The following RPS6KA2 variants were observed in gnomAD, a reference collection of about 807,000 sequenced individuals.
RPS6KA2 encodes the protein ribosomal protein S6 kinase alpha-2.
In RPS6KA2, 42 loss-of-function variants were observed where a neutral mutation model predicts 91.8. The ratio of observed to expected loss-of-function variants is 0.46; its 90% CI spans 0.36 to 0.59. RPS6KA2 has a LOEUF of 0.59. Ranked by LOEUF, RPS6KA2 falls within the 20% of genes least tolerant of loss-of-function variation. The pLI, the probability that RPS6KA2 is intolerant of heterozygous loss-of-function variation, is 0.00. For missense variants in RPS6KA2, 798 were observed against 978.5 expected (o/e 0.82, Z 2.46); for synonymous variants, 414 against 393.6 (o/e 1.05, Z -0.61).
chr6:166,581,457 A>G (rs1785006464), intron 1 of RPS6KA2, among the ~76,000 whole-genome samples: 1 of 151,990 alleles, frequency 6.6e-6, no homozygotes, highest in African/African-American at 2.4e-5. Flanking sequence ...TCCTTCTCCT[A>G]CGCTCCACTG....
At chr6:166,638,683 C>T (rs998469574) in intron 2 of RPS6KA2, among the ~76,000 whole-genome samples, 5 of 152,186 alleles carry the variant, frequency 3.3e-5, no homozygotes, top group Non-Finnish European at 7.3e-5. Context: ...GTCTCTAGAA[C>T]AGTGGTTCTG....
chr6:166,862,244 AG>A, exon 1 of RPS6KA2: 1 of 1,608,176 alleles, frequency 6.2e-7, no homozygotes, highest in East Asian at 2.2e-5. Flanking sequence ...GGACCGGCAC[AG>A]GGGGACGGCC....
At chr6:166,478,840 C>T (rs1377454636) in intron 10 of RPS6KA2, among the ~76,000 whole-genome samples, 2 of 152,206 alleles carry the variant, frequency 1.3e-5, no homozygotes, top group African/African-American at 2.4e-5. Context: ...TCAGGCACTG[C>T]TCTGCCTCCT....
chr6:166,657,987 G>C (rs1039987305), intron 2 of RPS6KA2, among the ~76,000 whole-genome samples: 2 of 152,200 alleles, frequency 1.3e-5, no homozygotes, highest in Non-Finnish European at 2.9e-5. Context: ...CGGTTCAAGC[G>C]AGTCTCATGG....
Position 166,767,559 on chromosome 6 carries a change from C to T in RPS6KA2, c.123+90641G>A, listed in dbSNP as rs1036676543. Among the ~76,000 whole-genome samples the T allele has an allele frequency of 1.3e-5, 2 of 152,150 alleles. No individual in the cohort carries two copies. Among genetic ancestry groups the T allele is most frequent in the Non-Finnish European group, 2.9e-5 (2 of 68,048 alleles). ...CTTCAGACTGCGCTCCACTTGCCAG[C>T]AAGCCTCAAAGGGACCCAGGAAGGG... On this transcript the variant is annotated intron_variant, in intron 2 of 21. Coordinates refer to the RPS6KA2 transcript ENST00000503859. The surrounding 1 kb of genome is among the most constrained non-coding windows in gnomAD (Gnocchi z 4.6).
intron 2 of RPS6KA2, among the ~76,000 whole-genome samples, chr6:166,664,680 C>G (rs144743395): frequency 2.4e-4 from 36 of 152,158 alleles, no homozygotes; most frequent in South Asian, 1.7e-3. Flanking sequence ...AATTGCAAAA[C>G]TTTTGACTGT....
intron 2 of RPS6KA2, among the ~76,000 whole-genome samples, chr6:166,768,578 A>G (rs1025051138): frequency 6.6e-6 from 1 of 152,156 alleles, no homozygotes; most frequent in Non-Finnish European, 1.5e-5. Flanking sequence ...CAACTTTTGT[A>G]GAGTCTTTTA....
chr6:166,738,764 C>G (rs994571167), intron 2 of RPS6KA2, among the ~76,000 whole-genome samples: 2 of 152,184 alleles, frequency 1.3e-5, no homozygotes, highest in African/African-American at 4.8e-5. Flanking sequence ...GATATCAATC[C>G]ACGGAGTTGC....
intron 2 of RPS6KA2, among the ~76,000 whole-genome samples, chr6:166,807,716 C>G (rs921306954): frequency 1.9e-4 from 29 of 152,238 alleles, no homozygotes; most frequent in African/African-American, 7.0e-4. Flanking sequence ...CGTCTGCACA[C>G]AGCCCAGTGT....
chr6:166,736,430 C>A (rs535324317), intron 2 of RPS6KA2, among the ~76,000 whole-genome samples: 1 of 152,328 alleles, frequency 6.6e-6, no homozygotes, highest in South Asian at 2.1e-4. Context: ...TGCCACCTTG[C>A]TATTTGCCAC....
chr6:166,553,483 G>C (rs1583273765), intron 1 of RPS6KA2, among the ~76,000 whole-genome samples: 1 of 136,204 alleles, frequency 7.3e-6, no homozygotes, highest in Admixed American at 7.5e-5. Context: ...CTTAATGCAA[G>C]AAAATGCTTG....
At chr6:166,452,774 C>T (rs1056942705) in intron 12 of RPS6KA2, among the ~76,000 whole-genome samples, 1 of 152,172 alleles carries the variant, frequency 6.6e-6, no homozygotes, top group Non-Finnish European at 1.5e-5. Flanking sequence ...AACTGGACCC[C>T]TATGTCTCAC....
rs1787723979 is a variant in RPS6KA2 at position 166,648,197 on chromosome 6, T to TGC, written c.124-109414_124-109413insGC. Reference sequence around the variant, plus strand: ...GCTCACACACATGCACACATGCTCATACACACACTCATGCACACACACGCA... The same window carrying TGC: ...GCTCACACACATGCACACATGCTCATGCACACACACTCATGCACACACACGCA... On this transcript the variant is annotated intron_variant, in intron 2 of 21. Transcript: ENST00000503859. The surrounding 1 kb of genome is among the most constrained non-coding windows in gnomAD (Gnocchi z 4.8). Among the ~76,000 whole-genome samples the TGC allele has an allele frequency of 3.0e-5, 2 of 65,800 alleles. No individual in the cohort carries two copies. Among genetic ancestry groups the TGC allele is most frequent in the East Asian group, 6.5e-4 (1 of 1,536 alleles). 43.2% of individuals were successfully genotyped at this position (65,800 alleles called of 152,430 possible).
At chr6:166,691,518 G>A (rs991851345) in intron 2 of RPS6KA2, among the ~76,000 whole-genome samples, 3 of 152,104 alleles carry the variant, frequency 2.0e-5, no homozygotes, top group Middle Eastern at 3.4e-3. Context: ...CTCACCTCCC[G>A]GTTTTCAGGG....
intron 2 of RPS6KA2, among the ~76,000 whole-genome samples, chr6:166,660,401 T>C (rs11760079): frequency 0.044 from 6,473 of 148,634 alleles, 177 homozygotes; most frequent in African/African-American, 0.081. Context: ...TGCGTGCGTG[T>C]GTGTGTGTGT....
intron 7 of RPS6KA2, among the ~76,000 whole-genome samples, chr6:166,499,018 C>T (rs1262433421): frequency 6.6e-6 from 1 of 152,128 alleles, no homozygotes; most frequent in Non-Finnish European, 1.5e-5. Context: ...GGGTGGAAGG[C>T]AGGTGTGTGG....
intron 1 of RPS6KA2, among the ~76,000 whole-genome samples, chr6:166,560,186 C>G (rs939240655): frequency 6.6e-6 from 1 of 152,208 alleles, no homozygotes; most frequent in Non-Finnish European, 1.5e-5. Flanking sequence ...AATGAATAAG[C>G]TGGGCATGCA....
chr6:166,786,776 G>A (rs1368033766), intron 2 of RPS6KA2, among the ~76,000 whole-genome samples: 1 of 152,086 alleles, frequency 6.6e-6, no homozygotes, highest in East Asian at 1.9e-4. Flanking sequence ...GTGTAATTTA[G>A]TGCTCAAAAA....
chr6:166,760,784 T>A (rs1335306197), intron 2 of RPS6KA2, among the ~76,000 whole-genome samples: 1 of 152,184 alleles, frequency 6.6e-6, no homozygotes, highest in African/African-American at 2.4e-5. Flanking sequence ...GTCCGAATAA[T>A]CCTCACCTAC....
Sources: gnomAD v4.1 joint callset for allele counts (sites outside exome capture counted in the v4.1 genomes callset) on GRCh38, gnomAD v4.1.1 for gene constraint, Gnocchi (gnomAD v3.1) non-coding constraint, MANE v1.5 for transcripts, NCBI Gene and HGNC (gene_info 2026-07-23, HGNC 2026-07-21) for gene names.